Variants in WDR27 observed in about 807,000 individuals in gnomAD.
WDR27 encodes the protein WD repeat domain 27, also known as WD repeat-containing protein 27.
A neutral mutation model predicts 114.4 loss-of-function variants in WDR27; 100 were observed. The ratio of observed to expected loss-of-function variants is 0.87; its 90% CI spans 0.74 to 1.03. WDR27 has a LOEUF of 1.03. Ranked by LOEUF, WDR27 falls within the 50% of genes least tolerant of loss-of-function variation. The pLI, the probability that WDR27 is intolerant of heterozygous loss-of-function variation, is 0.00. For missense variants in WDR27, 1,129 were observed against 1,092.9 expected, an observed-to-expected ratio of 1.03 and a Z score of -0.47; for synonymous variants, 449 against 423.1, an observed-to-expected ratio of 1.06 and a Z score of -0.75.
At chr6:169,622,877 G>C (rs1170050241) in intron 21 of WDR27, among the ~76,000 whole-genome samples, 3 of 152,164 alleles carry the variant, frequency 2.0e-5, no homozygotes, top group Non-Finnish European at 2.9e-5. Context: ...AAACTAACTT[G>C]GGGAGGAACT....
chr6:169,588,634 C>T (rs7766928), intron 23 of WDR27, among the ~76,000 whole-genome samples: 6,923 of 152,246 alleles, frequency 0.045, 439 homozygotes, highest in African/African-American at 0.14. Context: ...CAAGCACATG[C>T]TTATTTGAAA....
chr6:169,696,892 C>T (rs1257848272), intron 1 of WDR27, among the ~76,000 whole-genome samples: 4 of 152,152 alleles, frequency 2.6e-5, no homozygotes, highest in Non-Finnish European at 4.4e-5. Flanking sequence ...CCAGCCTGCA[C>T]GACAGAGCGA....
intron 14 of WDR27, among the ~76,000 whole-genome samples, chr6:169,650,524 T>A: frequency 7.1e-6 from 1 of 140,346 alleles, no homozygotes; most frequent in Non-Finnish European, 1.5e-5. Flanking sequence ...TACCTACTCA[T>A]CCATCTCTCA....
At chr6:169,540,188 G>A (rs1033731863) in intron 25 of WDR27, among the ~76,000 whole-genome samples, 1 of 152,052 alleles carries the variant, frequency 6.6e-6, no homozygotes, top group African/African-American at 2.4e-5. Context: ...ATGGCCCCTA[G>A]AATGACTATT....
intron 25 of WDR27, among the ~76,000 whole-genome samples, chr6:169,515,955 A>G (rs949285999): frequency 1.3e-5 from 2 of 152,148 alleles, no homozygotes; most frequent in Non-Finnish European, 2.9e-5. Flanking sequence ...AAATTGATCT[A>G]TGAGTTGAAT....
At chr6:169,696,730 A>G (rs1231218608) in intron 1 of WDR27, among the ~76,000 whole-genome samples, 1 of 152,206 alleles carries the variant, frequency 6.6e-6, no homozygotes, top group Non-Finnish European at 1.5e-5. Context: ...CCTGGCCAAC[A>G]TAGTGAAGCC....
At chr6:169,577,529 G>GAGAT (rs1802600240) in intron 24 of WDR27, among the ~76,000 whole-genome samples, 1 of 152,168 alleles carries the variant, frequency 6.6e-6, no homozygotes, top group South Asian at 2.1e-4. Context: ...GACGGGCGGG[G>GAGAT]AGATGGTCGG....
chr6:169,487,828 T>C (rs1413427184), intron 25 of WDR27, among the ~76,000 whole-genome samples: 1 of 152,230 alleles, frequency 6.6e-6, no homozygotes, highest in Non-Finnish European at 1.5e-5. Context: ...ACTTCAGTCA[T>C]GGTTAATAGT....
chr6:169,623,540 C>T (rs528172184), intron 21 of WDR27, among the ~76,000 whole-genome samples: 92 of 152,228 alleles, frequency 6.0e-4, no homozygotes, highest in African/African-American at 2.0e-3. Context: ...TCACCGGGCC[C>T]GCAGGCTTCA....
At chr6:169,660,592 A>T in intron 10 of WDR27, 71 bp downstream of exon 10, 1 of 1,323,826 alleles carries the variant, frequency 7.6e-7, no homozygotes, top group African/African-American at 1.4e-5. Flanking sequence ...CTCCACAAAC[A>T]CTTACACTAC....
At chr6:169,522,308 A>G (rs552572760) in intron 25 of WDR27, among the ~76,000 whole-genome samples, 1 of 152,178 alleles carries the variant, frequency 6.6e-6, no homozygotes, top group Non-Finnish European at 1.5e-5. Flanking sequence ...ACCCAACACC[A>G]TAGCTCCCAA....
At chr6:169,581,082 T>C (rs76602065) in intron 24 of WDR27, among the ~76,000 whole-genome samples, 3,193 of 151,962 alleles carry the variant, frequency 0.021, 66 homozygotes, top group East Asian at 0.085. Flanking sequence ...GCAAGGTTCA[T>C]GACAACTACA....
intron 25 of WDR27, among the ~76,000 whole-genome samples, chr6:169,513,728 T>C (rs1265810608): frequency 6.0e-5 from 9 of 150,742 alleles, no homozygotes; most frequent in Admixed American, 1.3e-4. Context: ...TGTTTATTTA[T>C]AAGTAATTAC....
chr6:169,554,820 G>A (rs948861273), intron 25 of WDR27, among the ~76,000 whole-genome samples: 1 of 152,118 alleles, frequency 6.6e-6, no homozygotes, highest in Non-Finnish European at 1.5e-5. Flanking sequence ...TTGGCTTCTG[G>A]TGATTTATCA....
At chr6:169,650,237 CCCT>C (rs1238781067) in intron 14 of WDR27, among the ~76,000 whole-genome samples, 1 of 146,016 alleles carries the variant, frequency 6.8e-6, no homozygotes. Flanking sequence ...ACTCATCCAT[CCCT>C]CATCTCTGCA....
intron 24 of WDR27, among the ~76,000 whole-genome samples, chr6:169,582,586 T>A (rs75712439): frequency 0.027 from 4,162 of 152,240 alleles, 109 homozygotes; most frequent in East Asian, 0.12. Context: ...CAAACATGCA[T>A]GACTGCTGAG....
At chr6:169,678,235 GCA>G (rs1562911415) in intron 2 of WDR27, among the ~76,000 whole-genome samples, 3 of 152,238 alleles carry the variant, frequency 2.0e-5, no homozygotes, top group Non-Finnish European at 4.4e-5. Context: ...GCTGAACCTT[GCA>G]AAGCCACAGG....
chr6:169,665,459 T>C lies in WDR27; in HGVS notation c.783+27A>G, dbSNP rs758481997. 5.0e-6 allele frequency: 8 copies of C among 1,604,372 alleles called. No individual in the cohort carries two copies. The African/African-American group carries it at 8.1e-5, about 16-fold the overall frequency. On this transcript the variant is annotated intron_variant, in intron 7 of 25. Coordinates refer to ENST00000448612, the MANE Select transcript of WDR27 (RefSeq NM_182552.5). ...CTCACGTTCAGGCATGTCTGGGAACTGGAACTTAACTCTGTGGCTGTCTCA... is the reference window on the plus strand; with the variant it reads ...CTCACGTTCAGGCATGTCTGGGAACCGGAACTTAACTCTGTGGCTGTCTCA...
chr6:169,659,598 C>G lies in WDR27; in HGVS notation c.1130-80G>C, dbSNP rs1016807498. The G allele has an allele frequency of 4.4e-6, 6 of 1,349,968 alleles. No individual in the cohort carries two copies. The highest frequency in any genetic ancestry group is 4.3e-5 in the African/African-American group (3 of 69,026). 83.6% of individuals were successfully genotyped at this position (1,349,968 alleles called of 1,614,324 possible). ...ACACGGAGTCACTGCCCAGAGCCCA[C>G]CACACACAGCCCAGAGCCCACCACA... On this transcript the variant is annotated intron_variant, in intron 10 of 25. Transcript: ENST00000448612. This position sits in a 1 kb window ranked among gnomAD's most constrained non-coding sequence, Gnocchi z 4.3.
Sources: gnomAD v4.1 joint callset for allele counts (sites outside exome capture counted in the v4.1 genomes callset) on GRCh38, gnomAD v4.1.1 for gene constraint, Gnocchi (gnomAD v3.1) non-coding constraint, MANE v1.5 for transcripts, NCBI Gene and HGNC (gene_info 2026-07-23, HGNC 2026-07-21) for gene names.